The following CPM variants were observed in gnomAD, a reference collection of about 807,000 sequenced individuals.
The protein encoded by CPM is carboxypeptidase M.
CPM carries 35 observed loss-of-function variants against 46.4 expected under a neutral mutation model. That is an observed-to-expected ratio of 0.75 (90% CI 0.58 to 1.00). CPM has a LOEUF of 1.00. Ranked by LOEUF, CPM falls within the 50% of genes least tolerant of loss-of-function variation. The probability of loss-of-function intolerance (pLI) is 0.00; values close to 1 mark genes in which losing one functional copy is unlikely to be tolerated. For synonymous variants in CPM, 195 were observed against 195.3 expected (o/e 1.00, Z 0.01); for missense variants, 422 against 530.4 (o/e 0.80, Z 2.01).
Position 68,869,469 on chromosome 12 carries a change from A to C in CPM, c.643T>G (p.Leu215Val), listed in dbSNP as rs1885595405. Residue 215 changes from leucine to valine, a missense_variant, in exon 6 of 9, where the codon TTA becomes GTA. Leu to Val is a conservative substitution (Grantham distance 32). Transcript: ENST00000551568. ...QATGALYSRS[L>V]TPDDDVFQYL... ...TGAAAAACATCATCATCAGGCGTTAAGCTTCGGGAGTATAATGCCCCAGTT... is the reference window on the plus strand; with the variant it reads ...TGAAAAACATCATCATCAGGCGTTACGCTTCGGGAGTATAATGCCCCAGTT... 6.2e-6 allele frequency: 10 copies of C among 1,611,050 alleles called. No individual in the cohort carries two copies. Among genetic ancestry groups the C allele is most frequent in the Non-Finnish European group, 8.5e-6 (10 of 1,178,284 alleles).
At chr12:68,882,778 A>G (rs1195962106) in intron 3 of CPM, among the ~76,000 whole-genome samples, 1 of 152,210 alleles carries the variant, frequency 6.6e-6, no homozygotes, top group Non-Finnish European at 1.5e-5. Context: ...ATGATATCTC[A>G]TTGTGGTTTT....
At chr12:68,872,033 C>T in intron 3 of CPM, 77 bp from the exon 4 acceptor site, 2 of 1,454,414 alleles carry the variant, frequency 1.4e-6, no homozygotes, top group Non-Finnish European at 9.5e-7. Flanking sequence ...GTACAAATTC[C>T]CCAATAGGGG....
Position 68,853,205 on chromosome 12 carries a change from C to T in CPM, c.*3232G>A, listed in dbSNP as rs1565760759. On this transcript the variant is annotated 3_prime_UTR_variant, in exon 9 of 9. Transcript: ENST00000551568. ...TTTGTTCGTGTCTCTTCAAAAATTG[C>T]TATCTTAGAAAAGTTAGAATTCAAT... 6.7e-6 allele frequency: 1 copy of T among 149,608 alleles called. No individual in the cohort carries two copies. The highest frequency in any genetic ancestry group is 2.6e-5 in the African/African-American group (1 of 39,000). The allele number at this position is 149,608 out of a possible 1,614,324, so 9.3% of individuals were successfully genotyped here.
At position 68,856,306 on chromosome 12, in the gene CPM, T is replaced by C. The variant is rs1395770702; in HGVS notation, c.*131A>G. 31 of 1,030,868 alleles carry C rather than the reference T, an allele frequency of 3.0e-5. No individual in the cohort carries two copies. The highest frequency in any genetic ancestry group is 3.6e-5 in the Non-Finnish European group (25 of 701,148). The allele number at this position is 1,030,868 out of a possible 1,614,324, so 63.9% of individuals were successfully genotyped here. ...TTATTGTGGAATTTGGAAACATCCA[T>C]TTCTCTTCTTCAGGAAGATCGTGGA... On this transcript the variant is annotated 3_prime_UTR_variant, in exon 9 of 9. Coordinates refer to ENST00000551568, the MANE Select transcript of CPM (RefSeq NM_198320.5).
At chr12:68,860,894 T>TC (rs1184541118) in intron 7 of CPM, among the ~76,000 whole-genome samples, 1 of 152,070 alleles carries the variant, frequency 6.6e-6, no homozygotes, top group East Asian at 1.9e-4. Context: ...TTCTTTTTTT[T>TC]TTTTTAGACA....
In CPM at chr12:68,926,504, A is replaced by T. The variant is rs146043413; in HGVS notation, c.160+6174T>A. Among the ~76,000 whole-genome samples, 881 of 152,036 alleles carry T rather than the reference A, an allele frequency of 5.8e-3. 6 individuals carry two copies. Among genetic ancestry groups the T allele is most frequent in the Middle Eastern group, 0.024 (7 of 294 alleles). On this transcript the variant is annotated intron_variant, in intron 2 of 8. Transcript: ENST00000551568. ...CTAAAACCCTCTACTAATGACCTCA[A>T]CTTCCATGGAATCATCCCCATCTGT...
intron 1 of CPM, 95 bp downstream of exon 1, chr12:68,933,047 C>A (rs2136325230): frequency 4.1e-6 from 2 of 489,228 alleles, no homozygotes; most frequent in East Asian, 7.1e-5. Context: ...GCCCTCGACC[C>A]AGCCGCCCGC....
rs116547027 is a variant in CPM at position 68,931,802 on chromosome 12, G to A, written c.160+876C>T. Among the ~76,000 whole-genome samples the A allele has an allele frequency of 5.4e-3, 797 of 146,390 alleles. 6 individuals carry two copies. The highest frequency in any genetic ancestry group is 0.019 in the African/African-American group (746 of 39,460). On this transcript the variant is annotated intron_variant, in intron 2 of 8. Coordinates refer to ENST00000551568, the MANE Select transcript of CPM (RefSeq NM_198320.5). ...AAGAAAGAAAGAAAGATGAAATAACGATATCTGATCAAATTATTTGCCTTG... is the reference window on the plus strand; with the variant it reads ...AAGAAAGAAAGAAAGATGAAATAACAATATCTGATCAAATTATTTGCCTTG...
intron 3 of CPM, among the ~76,000 whole-genome samples, chr12:68,873,984 T>G (rs1366249035): frequency 1.3e-5 from 2 of 152,020 alleles, no homozygotes; most frequent in Non-Finnish European, 2.9e-5. Context: ...TTTGATATTT[T>G]TAGTAGAGAC....
At chr12:68,872,035 C>A in intron 3 of CPM, 79 bp from the exon 4 acceptor site, 1 of 1,421,838 alleles carries the variant, frequency 7.0e-7, no homozygotes, top group South Asian at 1.2e-5. Context: ...ACAAATTCCC[C>A]AATAGGGGTC....
intron 1 of CPM, among the ~76,000 whole-genome samples, chr12:68,959,602 C>T (rs1889079222): frequency 6.6e-6 from 1 of 152,152 alleles, no homozygotes; most frequent in South Asian, 2.1e-4. Flanking sequence ...GGGGCATTGC[C>T]CAGTCAAGAC....
chr12:68,925,106 T>G (rs542615166), intron 2 of CPM, among the ~76,000 whole-genome samples: 28 of 152,334 alleles, frequency 1.8e-4, no homozygotes, highest in African/African-American at 4.8e-4. Context: ...CAATCATCTT[T>G]CAAAGCACTA....
chr12:68,954,902 A>C (rs968322488), intron 1 of CPM, among the ~76,000 whole-genome samples: 1 of 152,222 alleles, frequency 6.6e-6, no homozygotes, highest in Non-Finnish European at 1.5e-5. Flanking sequence ...AGGTGTCTGC[A>C]GCAGAAGCCA....
intron 3 of CPM, among the ~76,000 whole-genome samples, chr12:68,884,460 T>C (rs1171122060): frequency 6.6e-6 from 1 of 152,116 alleles, no homozygotes; most frequent in Non-Finnish European, 1.5e-5. Flanking sequence ...AGGCGGAGTG[T>C]ACCATGAAGG....
rs117457846 is a variant in CPM at position 68,940,947 on chromosome 12, C to T, written c.-3-8107G>A. Among the ~76,000 whole-genome samples, 28 of 152,164 alleles carry T rather than the reference C, an allele frequency of 1.8e-4. No individual in the cohort carries two copies. The East Asian group carries it at 5.4e-3, about 29-fold the overall frequency. On this transcript the variant is annotated intron_variant, in intron 1 of 8. Transcript: ENST00000546373. ...AATAGAGCTCTAGAACTTTTTCAAA[C>T]CTTGCAAAACTGAAACTCTATACCC...
At chr12:68,887,633 C>A (rs1342061647) in intron 2 of CPM, among the ~76,000 whole-genome samples, 6 of 152,118 alleles carry the variant, frequency 3.9e-5, no homozygotes, top group Admixed American at 6.5e-5. Context: ...ACTACTATAT[C>A]CAGGCACTGA....
chr12:68,847,616 G>A (rs1884421333), downstream of CPM: 1 of 151,390 alleles, frequency 6.6e-6, no homozygotes, highest in Non-Finnish European at 1.5e-5. Flanking sequence ...ACCGCGCCTG[G>A]CTAATTTTTT....
At chr12:68,880,009 G>A (rs1343951602) in intron 3 of CPM, among the ~76,000 whole-genome samples, 3 of 151,930 alleles carry the variant, frequency 2.0e-5, no homozygotes. Flanking sequence ...GAAGGTGAGG[G>A]GACAAGGATC....
chr12:68,920,751 C>T (rs1169917640), intron 2 of CPM, among the ~76,000 whole-genome samples: 1 of 146,422 alleles, frequency 6.8e-6, no homozygotes, highest in African/African-American at 2.6e-5. Context: ...AGTACAGTGG[C>T]ACAGTCTCGG....
Sources: gnomAD v4.1 joint callset for allele counts (sites outside exome capture counted in the v4.1 genomes callset) on GRCh38, gnomAD v4.1.1 for gene constraint, MANE v1.5 for transcripts, NCBI Gene and HGNC (gene_info 2026-07-23, HGNC 2026-07-21) for gene names.